The following CACNA1E variants were observed in gnomAD, a reference collection of about 807,000 sequenced individuals.
CACNA1E encodes the protein voltage-dependent R-type calcium channel subunit alpha-1E.
CACNA1E carries 40 observed loss-of-function variants against 259.2 expected under a neutral mutation model. The observed-to-expected ratio is 0.15, with a 90% CI of 0.12 to 0.20. The LOEUF (loss-of-function observed/expected upper bound fraction) is 0.20, where lower values mean the gene tolerates loss of function less well. Among genes scored for constraint, CACNA1E ranks in the 10% least tolerant of loss-of-function variants. The pLI, the probability that CACNA1E is intolerant of heterozygous loss-of-function variation, is 1.00. For missense variants in CACNA1E, 1,874 were observed against 3,040.1 expected (o/e 0.62, Z 9.02); for synonymous variants, 1,104 against 1,138.5 (o/e 0.97, Z 0.61).
chr1:181,323,282 C>T (rs1383721468), intron 1 of CACNA1E, among the ~76,000 whole-genome samples: 1 of 152,202 alleles, frequency 6.6e-6, no homozygotes, highest in Non-Finnish European at 1.5e-5. Context: ...AAGTCCAGTA[C>T]TTTAATAAAG....
chr1:181,765,676 A>G (rs1300379689), intron 34 of CACNA1E, among the ~76,000 whole-genome samples: 1 of 151,998 alleles, frequency 6.6e-6, no homozygotes, highest in Non-Finnish European at 1.5e-5. Flanking sequence ...CAGGGTGGAG[A>G]CTCCTCGTAG....
intron 1 of CACNA1E, among the ~76,000 whole-genome samples, chr1:181,338,747 A>G (rs12119916): frequency 0.2 from 29,695 of 152,110 alleles, 3,126 homozygotes; most frequent in African/African-American, 0.23. Flanking sequence ...CCACTATCAA[A>G]GAGCTTTTCC....
chr1:181,713,597 T>C (rs1286557767), intron 8 of CACNA1E, among the ~76,000 whole-genome samples: 1 of 152,232 alleles, frequency 6.6e-6, no homozygotes, highest in Non-Finnish European at 1.5e-5. Flanking sequence ...GTAATGACTT[T>C]AACCTCTCCT....
intron 1 of CACNA1E, among the ~76,000 whole-genome samples, chr1:181,345,936 C>T (rs1485396245): frequency 1.3e-5 from 2 of 152,198 alleles, no homozygotes; most frequent in East Asian, 3.9e-4. Flanking sequence ...CTCCCCACAA[C>T]GTGTCCAGGG....
intron 6 of CACNA1E, among the ~76,000 whole-genome samples, chr1:181,617,802 T>G (rs941367219): frequency 1.3e-5 from 2 of 152,204 alleles, no homozygotes; most frequent in Non-Finnish European, 2.9e-5. Flanking sequence ...GTTATGACAG[T>G]GACAGAGCGA....
intron 37 of CACNA1E, among the ~76,000 whole-genome samples, chr1:181,774,612 C>T (rs923904709): frequency 2.0e-5 from 3 of 152,160 alleles, no homozygotes; most frequent in Non-Finnish European, 4.4e-5. Flanking sequence ...GAGAAGACAC[C>T]TAGACCTCCA....
chr1:181,542,503 T>A (rs965364240), intron 3 of CACNA1E, among the ~76,000 whole-genome samples: 21 of 152,116 alleles, frequency 1.4e-4, no homozygotes, highest in Non-Finnish European at 2.9e-4. Flanking sequence ...AATTGAATCA[T>A]GGGGGTGGTT....
At chr1:181,561,977 C>T (rs374323619) in intron 3 of CACNA1E, among the ~76,000 whole-genome samples, 25 of 152,152 alleles carry the variant, frequency 1.6e-4, no homozygotes, top group Middle Eastern at 6.8e-3. Context: ...TTTTAATTTG[C>T]ATTTCTCTAA....
chr1:181,615,961 T>A (rs1168797213), intron 6 of CACNA1E, among the ~76,000 whole-genome samples: 3 of 152,240 alleles, frequency 2.0e-5, no homozygotes, highest in African/African-American at 7.2e-5. Context: ...TGAACTTTAC[T>A]AAATTTTTTT....
intron 2 of CACNA1E, among the ~76,000 whole-genome samples, chr1:181,447,767 T>C (rs1660887418): frequency 6.6e-6 from 1 of 152,220 alleles, no homozygotes. Flanking sequence ...TTCCTGCTCC[T>C]TCTGGCTGTT....
intron 16 of CACNA1E, among the ~76,000 whole-genome samples, chr1:181,722,637 A>G (rs1419754324): frequency 1.3e-5 from 2 of 152,244 alleles, no homozygotes; most frequent in Admixed American, 1.3e-4. Context: ...CGTGGTGAAT[A>G]CTAAATGAGA....
At chr1:181,333,776 C>T (rs1335903946) in intron 1 of CACNA1E, among the ~76,000 whole-genome samples, 1 of 152,154 alleles carries the variant, frequency 6.6e-6, no homozygotes, top group African/African-American at 2.4e-5. Context: ...TTGCCTCAGC[C>T]TCCTAAGTAG....
At chr1:181,401,801 A>G (rs1193102876) in intron 1 of CACNA1E, among the ~76,000 whole-genome samples, 2 of 152,222 alleles carry the variant, frequency 1.3e-5, no homozygotes, top group Non-Finnish European at 2.9e-5. Context: ...ACTTTGAAGC[A>G]TTGGATCTTT....
At chr1:181,405,833 T>A (rs673671) in intron 1 of CACNA1E, among the ~76,000 whole-genome samples, 2 of 152,052 alleles carry the variant, frequency 1.3e-5, no homozygotes, top group Non-Finnish European at 2.9e-5. Flanking sequence ...TTCAAGTGCT[T>A]AGTCTTTTTC....
chr1:181,407,041 C>CA lies in CACNA1E; in HGVS notation c.-14-6090dup, dbSNP rs1186125934. Among the ~76,000 whole-genome samples, 3 of 152,320 alleles carry CA rather than the reference C, an allele frequency of 2.0e-5. No homozygotes were observed. In the East Asian group the frequency reaches 5.8e-4, roughly 29 times the overall value. On this transcript the variant is annotated intron_variant, in intron 1 of 11. Coordinates refer to the CACNA1E transcript ENST00000524607. ...TCTGATACCAGAATACGGACTCTTT[C>CA]AACTCCTCCGCAGAGACTCAGACTG... is the stretch of plus-strand genomic sequence containing the variant.
chr1:181,356,507 G>C (rs1247658363), intron 1 of CACNA1E, among the ~76,000 whole-genome samples: 1 of 152,182 alleles, frequency 6.6e-6, no homozygotes, highest in Non-Finnish European at 1.5e-5. Context: ...AAAGACTCTT[G>C]GTTTGACTTG....
At chr1:181,695,878 C>G (rs909959696) in intron 7 of CACNA1E, among the ~76,000 whole-genome samples, 6 of 152,184 alleles carry the variant, frequency 3.9e-5, no homozygotes, top group Non-Finnish European at 5.9e-5. Context: ...TTGCTTGAAT[C>G]CAGGAGGCGG....
At chr1:181,508,840 C>T (rs1283989593) in intron 1 of CACNA1E, among the ~76,000 whole-genome samples, 1 of 152,136 alleles carries the variant, frequency 6.6e-6, no homozygotes, top group Non-Finnish European at 1.5e-5. Flanking sequence ...TGTGGGGAGG[C>T]TCCCCTCTGA....
intron 3 of CACNA1E, among the ~76,000 whole-genome samples, chr1:181,530,089 G>A (rs945681303): frequency 4.6e-5 from 7 of 152,196 alleles, no homozygotes; most frequent in African/African-American, 1.7e-4. Context: ...CCAGGGGGAG[G>A]TAACTGAATC....
Sources: allele counts gnomAD v4.1 joint callset (sites outside exome capture counted in the v4.1 genomes callset), GRCh38; gene constraint gnomAD v4.1.1; transcripts MANE v1.5; gene names NCBI Gene and HGNC (gene_info 2026-07-23, HGNC 2026-07-21).